The following NOD1 variants were observed in gnomAD, a reference collection of about 807,000 sequenced individuals.
The protein encoded by NOD1 is nucleotide binding oligomerization domain containing 1, also known as nucleotide-binding oligomerization domain-containing protein 1.
A neutral mutation model predicts 81.2 loss-of-function variants in NOD1; 70 were observed. That is an observed-to-expected ratio of 0.86 (90% CI 0.71 to 1.05). NOD1 has a LOEUF of 1.05. NOD1 is among the 50% of genes least tolerant of loss of function. The pLI is 0.00. For synonymous variants in NOD1, 508 were observed against 526.9 expected (o/e 0.96, Z 0.49); for missense variants, 1,233 against 1,228.0 (o/e 1.00, Z -0.06).
intron 12 of NOD1, among the ~76,000 whole-genome samples, chr7:30,429,686 AAT>A (rs1783774695): frequency 6.6e-6 from 1 of 152,232 alleles, no homozygotes; most frequent in Non-Finnish European, 1.5e-5. Flanking sequence ...AACATAATGT[AAT>A]ACATGAACTG....
Position 30,455,209 on chromosome 7 carries a change from G to T in NOD1, c.304C>A (p.Pro102Thr), listed in dbSNP as rs759203398. The change falls in exon 5 of 14, where the codon CCT becomes ACT. Residue 102 changes from proline (P) to threonine (T), a missense_variant. Pro to Thr is a conservative substitution (Grantham distance 38). Transcript: ENST00000222823. ...QLADAYVDLR[P>T]WLLEIGFSPS... is the part of the protein sequence containing the mutation. ...GAGAAGCCGATCTCCAGCAGCCAAG[G>T]CCTGAGGTCCACGTAGGCATCTGCG... is the stretch of plus-strand genomic sequence containing the variant. The T allele has an allele frequency of 6.2e-7, 1 of 1,614,172 alleles. No individual in the cohort carries two copies. Among genetic ancestry groups the T allele is most frequent in the South Asian group, 1.1e-5 (1 of 91,084 alleles).
At chr7:30,455,749 C>T (rs981045715) in intron 4 of NOD1, among the ~76,000 whole-genome samples, 1 of 152,078 alleles carries the variant, frequency 6.6e-6, no homozygotes, top group Non-Finnish European at 1.5e-5. Context: ...TTACAGGCAC[C>T]CACCACCATG....
chr7:30,459,060 T>C (rs1786721633), intron 3 of NOD1, 92 bp downstream of exon 3: 2 of 152,476 alleles, frequency 1.3e-5, no homozygotes, highest in African/African-American at 4.8e-5. Flanking sequence ...GTCAATTCTA[T>C]GACCCACTTT....
In NOD1 at chr7:30,433,685, A is replaced by G. The variant is rs945661201; in HGVS notation, c.2622-506T>C. Reference sequence around the variant, plus strand: ...GACTGAAAGTTCAGGAAGTCTCTCAATGGTCCTTAGAACCAGAAGTGGTCT... The same window carrying G: ...GACTGAAAGTTCAGGAAGTCTCTCAGTGGTCCTTAGAACCAGAAGTGGTCT... On this transcript the variant is annotated intron_variant, in intron 11 of 13. Coordinates refer to ENST00000222823, the MANE Select transcript of NOD1 (RefSeq NM_006092.4). Among the ~76,000 whole-genome samples the G allele has an allele frequency of 5.3e-5, 8 of 152,336 alleles. No homozygotes were observed. In the East Asian group the frequency reaches 1.5e-3, roughly 29 times the overall value.
intron 1 of NOD1, among the ~76,000 whole-genome samples, chr7:30,465,110 G>A (rs1217897364): frequency 6.6e-6 from 1 of 152,146 alleles, no homozygotes; most frequent in Non-Finnish European, 1.5e-5. Context: ...GAGACAGGGG[G>A]GTGCCGTGGC....
chr7:30,465,880 T>C (rs1474632155), intron 1 of NOD1, among the ~76,000 whole-genome samples: 1 of 152,226 alleles, frequency 6.6e-6, no homozygotes, highest in Non-Finnish European at 1.5e-5. Context: ...ATACTTGCTA[T>C]ATAGGTTGGT....
At chr7:30,435,816 G>A (rs1784330579) in intron 11 of NOD1, among the ~76,000 whole-genome samples, 182 bp downstream of exon 11, 2 of 152,014 alleles carry the variant, frequency 1.3e-5, no homozygotes, top group Non-Finnish European at 2.9e-5. Context: ...AAAATTAACT[G>A]GGTGTGGTGG....
At chr7:30,472,378 C>A (rs559292226) in intron 1 of NOD1, among the ~76,000 whole-genome samples, 35 of 152,280 alleles carry the variant, frequency 2.3e-4, no homozygotes, top group African/African-American at 8.4e-4. Flanking sequence ...TTTTTCATCC[C>A]AAGTCCTAGT....
chr7:30,451,089 A>G lies in NOD1; in HGVS notation c.2201+127T>C. 2.7e-6 allele frequency: 3 copies of G among 1,124,948 alleles called. No individual in the cohort carries two copies. Among genetic ancestry groups the G allele is most frequent in the Non-Finnish European group, 3.7e-6 (3 of 816,434 alleles). 69.7% of individuals were successfully genotyped at this position (1,124,948 alleles called of 1,614,324 possible). On this transcript the variant is annotated intron_variant, in intron 6 of 13. Coordinates refer to ENST00000222823, the MANE Select transcript of NOD1 (RefSeq NM_006092.4). The surrounding 1 kb of genome is among the most constrained non-coding windows in gnomAD (Gnocchi z 4.2). ...GACCTCTGCCCTGCTAAGAAAGAAAAGGTCTGGACATTCCAAGGGCCATGG... is the reference window on the plus strand; with the variant it reads ...GACCTCTGCCCTGCTAAGAAAGAAAGGGTCTGGACATTCCAAGGGCCATGG...
In NOD1 at chr7:30,452,155, A is replaced by G. The variant is rs1368879600; in HGVS notation, c.1262T>C (p.Leu421Pro). 6.2e-7 allele frequency: 1 copy of G among 1,613,882 alleles called. No homozygotes were observed. Among genetic ancestry groups the G allele is most frequent in the South Asian group, 1.1e-5 (1 of 91,084 alleles). Reference protein sequence around the residue: ...SPQLPDCTMTLTDVFLLVTEV... With the variant: ...SPQLPDCTMTPTDVFLLVTEV... ...AGTGACCAGGAGGAAGACATCTGTC[A>G]GGGTCATCGTGCAGTCGGGCAGCTG... The change falls in exon 6 of 14, where the codon CTG becomes CCG. Residue 421 changes from leucine to proline, a missense_variant. Transcript: ENST00000222823.
chr7:30,477,681 ATTTTTTTTT>A (rs35530986), intron 1 of NOD1, among the ~76,000 whole-genome samples: 16 of 136,280 alleles, frequency 1.2e-4, no homozygotes, highest in African/African-American at 4.3e-4. Flanking sequence ...CGCCCGGTTA[ATTTTTTTTT>A]TTTTTTTTTT....
rs1786444619 is a variant in NOD1, at chr7:30,456,923, G to T, written c.-2C>A. ...CTCACTGTGGCCCTGCTCTTCCATA[G>T]TTAAAGTAGCAAGCGGCTACTTTTC... On this transcript the variant is annotated 5_prime_UTR_variant, in exon 4 of 14. Transcript: ENST00000222823. 2 of 1,613,594 alleles carry T rather than the reference G, an allele frequency of 1.2e-6. No individual in the cohort carries two copies. The highest frequency in any genetic ancestry group is 2.7e-5 in the African/African-American group (2 of 74,928).
At chr7:30,470,786 TG>T (rs1290776559) in intron 1 of NOD1, among the ~76,000 whole-genome samples, 2 of 152,066 alleles carry the variant, frequency 1.3e-5, no homozygotes, top group East Asian at 3.9e-4. Flanking sequence ...GAGGGGCCAG[TG>T]AATAAAAATA....
chr7:30,450,030 A>G (rs1473930157), intron 6 of NOD1, among the ~76,000 whole-genome samples: 4 of 152,296 alleles, frequency 2.6e-5, no homozygotes, highest in South Asian at 2.1e-4. Flanking sequence ...CCGTCCTACT[A>G]AAAATACAAA....
rs537411642 is a variant in NOD1 at position 30,447,170 on chromosome 7, C to T, written c.2286-120G>A. On this transcript the variant is annotated intron_variant, in intron 7 of 13. Coordinates refer to ENST00000222823, the MANE Select transcript of NOD1 (RefSeq NM_006092.4). The stretch of plus-strand genomic sequence containing the variant: ...AAGTCTGGGTTGAAAGGGGAACACA[C>T]AGGCACCAGAGTTTAGGGCTCTGAG... 3.5e-5 allele frequency: 54 copies of T among 1,563,560 alleles called. 1 individual carries two copies. In the Middle Eastern group the frequency reaches 1.9e-3, roughly 54 times the overall value.
At chr7:30,475,387 C>A (rs1334440054) in intron 1 of NOD1, among the ~76,000 whole-genome samples, 1 of 152,218 alleles carries the variant, frequency 6.6e-6, no homozygotes, top group Non-Finnish European at 1.5e-5. Context: ...TGGCACTAAT[C>A]TGGTGCTCAC....
intron 6 of NOD1, among the ~76,000 whole-genome samples, chr7:30,450,559 G>A (rs1339145331): frequency 2.6e-5 from 4 of 152,204 alleles, no homozygotes; most frequent in Non-Finnish European, 2.9e-5. Context: ...AAACAACCAC[G>A]AGTCAGCATT....
chr7:30,436,232 G>A, intron 10 of NOD1, 151 bp from the exon 11 acceptor site: 1 of 637,524 alleles, frequency 1.6e-6, no homozygotes, highest in Non-Finnish European at 2.8e-6. Flanking sequence ...AGCTGCAGCA[G>A]TAGTGCCCAG....
In NOD1 at chr7:30,437,655, T is replaced by C; in HGVS notation, c.2455A>G (p.Met819Val). The C allele has an allele frequency of 6.6e-7, 1 of 1,514,524 alleles. No homozygotes were observed. The allele number at this position is 1,514,524 out of a possible 1,614,324, so 93.8% of individuals were successfully genotyped here. A position where few individuals can be genotyped will look rare whatever the true frequency, so the allele number is the denominator to read the frequency against. ...TCATCCCCAACTTGATTGCCCCACATCCTGAGGGAGGAGACAAGATAGTGA... is the reference window on the plus strand; with the variant it reads ...TCATCCCCAACTTGATTGCCCCACACCCTGAGGGAGGAGACAAGATAGTGA... ...KNSKSISEVG[M>V]WGNQVGDEGA... is the part of the protein sequence containing the mutation. Residue 819 changes from methionine to valine, a missense_variant and splice_region_variant, in exon 10 of 14, where the codon ATG (methionine) becomes GTG (valine). Met to Val is a conservative substitution (Grantham distance 21). Coordinates refer to ENST00000222823, the MANE Select transcript of NOD1 (RefSeq NM_006092.4).
Sources: gnomAD v4.1 joint callset for allele counts (sites outside exome capture counted in the v4.1 genomes callset) on GRCh38, gnomAD v4.1.1 for gene constraint, Gnocchi (gnomAD v3.1) non-coding constraint, MANE v1.5 for transcripts, NCBI Gene and HGNC (gene_info 2026-07-23, HGNC 2026-07-21) for gene names.